Variants in SORBS2 observed in about 807,000 individuals in gnomAD.
The protein encoded by SORBS2 is sorbin and SH3 domain-containing protein 2.
SORBS2 carries 46 observed loss-of-function variants against 97.7 expected under a neutral mutation model. The ratio of observed to expected loss-of-function variants is 0.47; its 90% CI spans 0.37 to 0.60. The LOEUF (loss-of-function observed/expected upper bound fraction) is 0.60, where lower values mean the gene tolerates loss of function less well. SORBS2 is among the 20% of genes least tolerant of loss of function. The probability of loss-of-function intolerance (pLI) is 0.00; values close to 1 mark genes in which losing one functional copy is unlikely to be tolerated. For missense variants in SORBS2, 1,316 were observed against 1,282.3 expected (o/e 1.03, Z -0.40); for synonymous variants, 476 against 473.4 (o/e 1.01, Z -0.07).
intron 2 of SORBS2, among the ~76,000 whole-genome samples, chr4:185,761,895 T>C (rs2098895811): frequency 6.6e-6 from 1 of 152,234 alleles, no homozygotes; most frequent in Admixed American, 6.5e-5. Context: ...CACAGTTATC[T>C]TTCCTGATCC....
intron 1 of SORBS2, among the ~76,000 whole-genome samples, chr4:185,906,247 G>A (rs2099250760): frequency 6.6e-6 from 1 of 152,086 alleles, no homozygotes; most frequent in South Asian, 2.1e-4. Context: ...TGCTCAGGCT[G>A]GTCTCAAACT....
chr4:185,858,521 G>C (rs1320256998), intron 1 of SORBS2, among the ~76,000 whole-genome samples: 1 of 152,122 alleles, frequency 6.6e-6, no homozygotes, highest in Non-Finnish European at 1.5e-5. Context: ...AAGATGCTTA[G>C]CACATGTTGG....
rs10000238 is a variant in SORBS2 at position 185,688,941 on chromosome 4, G to A, written c.-197-10119C>T. On this transcript the variant is annotated intron_variant, in intron 2 of 20. Coordinates refer to the SORBS2 transcript ENST00000284776. ...TAAGCAAAATAATCCTATACAAATT[G>A]CATCCCATCCAGAGTCAAGCTTACT... Among the ~76,000 whole-genome samples, 1,383 of 152,168 alleles carry A rather than the reference G, an allele frequency of 9.1e-3. 27 individuals are homozygous for A. Among genetic ancestry groups the A allele is most frequent in the African/African-American group, 0.031 (1,293 of 41,522 alleles).
chr4:185,909,233 T>C (rs1003704751), intron 1 of SORBS2, among the ~76,000 whole-genome samples: 7 of 152,192 alleles, frequency 4.6e-5, no homozygotes, highest in Admixed American at 2.0e-4. Flanking sequence ...TGAAATTATG[T>C]TTTTTGCAGC....
intron 1 of SORBS2, among the ~76,000 whole-genome samples, chr4:185,909,457 A>G (rs1489758439): frequency 6.6e-6 from 1 of 152,166 alleles, no homozygotes; most frequent in Non-Finnish European, 1.5e-5. Flanking sequence ...TGGGTGATGG[A>G]TCTACCAAAA....
At chr4:185,657,687 CACAG>C (rs1160694862), upstream of SORBS2, 33 of 1,150,932 alleles carry the variant, frequency 2.9e-5, no homozygotes, top group Non-Finnish European at 3.9e-5. Flanking sequence ...CCAACTGTAA[CACAG>C]AGACCATATT....
At chr4:185,627,705 T>G (rs2096839341) in intron 5 of SORBS2, among the ~76,000 whole-genome samples, 1 of 152,216 alleles carries the variant, frequency 6.6e-6, no homozygotes, top group African/African-American at 2.4e-5. Flanking sequence ...AGTTTACATT[T>G]GAGTTCATGT....
intron 2 of SORBS2, among the ~76,000 whole-genome samples, chr4:185,713,086 C>T (rs902053276): frequency 6.6e-6 from 1 of 152,116 alleles, no homozygotes; most frequent in Non-Finnish European, 1.5e-5. Context: ...AGTCACCTCC[C>T]ATCTCCCCTC....
exon 15 of SORBS2, chr4:185,585,735 T>C (rs1008367158): frequency 6.6e-6 from 1 of 152,250 alleles, no homozygotes; most frequent in Admixed American, 6.5e-5. Flanking sequence ...AGAGAATTAT[T>C]CATTTATCAG....
intron 1 of SORBS2, among the ~76,000 whole-genome samples, chr4:185,851,022 G>A (rs549354252): frequency 2.0e-3 from 308 of 152,234 alleles, no homozygotes; most frequent in African/African-American, 7.2e-3. Flanking sequence ...AGACACCAAC[G>A]GCTTTCCTGG....
At chr4:185,614,191 A>C (rs1019380293) in intron 11 of SORBS2, among the ~76,000 whole-genome samples, 1 of 123,348 alleles carries the variant, frequency 8.1e-6, no homozygotes, top group African/African-American at 3.3e-5. Context: ...TTGAGATGGA[A>C]TCTCGCTCAC....
At chr4:185,772,786 C>T (rs1280349154) in intron 2 of SORBS2, 5 of 152,184 alleles carry the variant, frequency 3.3e-5, no homozygotes, top group Non-Finnish European at 7.3e-5. Flanking sequence ...ATAGGACTGT[C>T]CCTGTTCAGC....
chr4:185,692,957 T>C (rs930307286), intron 2 of SORBS2, among the ~76,000 whole-genome samples: 4 of 152,310 alleles, frequency 2.6e-5, no homozygotes, highest in Admixed American at 2.6e-4. Flanking sequence ...CTGAAAACAA[T>C]ATAGACGATA....
At chr4:185,780,727 A>G (rs2099024370) in intron 1 of SORBS2, among the ~76,000 whole-genome samples, 1 of 152,140 alleles carries the variant, frequency 6.6e-6, no homozygotes, top group African/African-American at 2.4e-5. Flanking sequence ...CTGCCTGGTT[A>G]TTGATGTTAA....
chr4:185,787,784 A>G (rs1279757731), intron 1 of SORBS2, among the ~76,000 whole-genome samples: 2 of 152,146 alleles, frequency 1.3e-5, no homozygotes, highest in South Asian at 4.1e-4. Context: ...ATTTCTCTAC[A>G]GCATTTCTTA....
chr4:185,912,514 G>A (rs2099255775), intron 1 of SORBS2, among the ~76,000 whole-genome samples: 1 of 146,472 alleles, frequency 6.8e-6, no homozygotes, highest in Non-Finnish European at 1.5e-5. Context: ...GCACCCAGGA[G>A]GTGGAGGTTG....
chr4:185,913,782 C>T (rs552829369), intron 1 of SORBS2, among the ~76,000 whole-genome samples: 2 of 152,248 alleles, frequency 1.3e-5, no homozygotes, highest in African/African-American at 4.8e-5. Flanking sequence ...AAGACTCATT[C>T]ATTGCAATGG....
chr4:185,945,596 T>C (rs2099274158), intron 1 of SORBS2, among the ~76,000 whole-genome samples: 1 of 152,268 alleles, frequency 6.6e-6, no homozygotes, highest in Non-Finnish European at 1.5e-5. Flanking sequence ...CTATAGGAAA[T>C]ATATGTTCTT....
chr4:185,802,823 A>T (rs1039097908), intron 1 of SORBS2, among the ~76,000 whole-genome samples: 3 of 152,218 alleles, frequency 2.0e-5, no homozygotes, highest in African/African-American at 7.2e-5. Context: ...GAATGCACTG[A>T]CAAATTAATA....
Sources: gnomAD v4.1 joint callset for allele counts (sites outside exome capture counted in the v4.1 genomes callset) on GRCh38, gnomAD v4.1.1 for gene constraint, MANE v1.5 for transcripts, NCBI Gene and HGNC (gene_info 2026-07-23, HGNC 2026-07-21) for gene names.